The following RFC3 variants were observed in gnomAD, a reference collection of about 807,000 sequenced individuals.
RFC3 encodes the protein A1 38 kDa subunit.
RFC3 carries 41 observed loss-of-function variants against 45.1 expected under a neutral mutation model. That is an observed-to-expected ratio of 0.91 (90% CI 0.71 to 1.18). The LOEUF is 1.18. Among genes scored for constraint, RFC3 ranks in the 50% most tolerant of loss-of-function variants. The probability of loss-of-function intolerance (pLI) is 0.00; values close to 1 mark genes in which losing one functional copy is unlikely to be tolerated. For missense variants in RFC3, 423 were observed against 428.1 expected (o/e 0.99, Z 0.10); for synonymous variants, 149 against 144.0 (o/e 1.03, Z -0.25).
chr13:33,863,676 T>C (rs191799513), intron 8 of RFC3, among the ~76,000 whole-genome samples: 2 of 152,338 alleles, frequency 1.3e-5, no homozygotes, highest in Admixed American at 1.3e-4. Flanking sequence ...ATTCTCTTGC[T>C]TGATACTGCG....
intron 8 of RFC3, among the ~76,000 whole-genome samples, chr13:33,858,838 GA>G (rs754657086): frequency 1.3e-5 from 2 of 152,186 alleles, no homozygotes; most frequent in Non-Finnish European, 2.9e-5. Context: ...AAAGATTAGA[GA>G]AAGAATTTAT....
intron 8 of RFC3, among the ~76,000 whole-genome samples, chr13:33,867,751 C>G (rs2082383020): frequency 6.6e-6 from 1 of 152,170 alleles, no homozygotes; most frequent in Non-Finnish European, 1.5e-5. Flanking sequence ...ACTATGTTGG[C>G]TGAAGATGAA....
intron 8 of RFC3, among the ~76,000 whole-genome samples, chr13:33,894,720 A>G (rs1164470722): frequency 6.6e-6 from 1 of 152,132 alleles, no homozygotes; most frequent in Non-Finnish European, 1.5e-5. Flanking sequence ...GTGTTCCTGG[A>G]TAATCTGGGG....
downstream of RFC3, among the ~76,000 whole-genome samples, chr13:33,840,557 A>G (rs145748647): frequency 1.4e-3 from 203 of 147,758 alleles, 1 homozygote; most frequent in African/African-American, 4.0e-3. Context: ...TTACATTGTC[A>G]TGTTACATTA....
chr13:33,918,365 C>A (rs2082746412), intron 8 of RFC3, among the ~76,000 whole-genome samples: 1 of 152,114 alleles, frequency 6.6e-6, no homozygotes, highest in Non-Finnish European at 1.5e-5. Flanking sequence ...GGATTCAAAC[C>A]CTTTCATGGC....
chr13:33,933,701 T>G, intron 8 of RFC3, among the ~76,000 whole-genome samples: 1 of 151,574 alleles, frequency 6.6e-6, no homozygotes, highest in East Asian at 1.9e-4. Context: ...CCCTCTCCTA[T>G]TAAGGATCAC....
At chr13:33,892,938 C>G (rs2082572747) in intron 8 of RFC3, among the ~76,000 whole-genome samples, 1 of 152,150 alleles carries the variant, frequency 6.6e-6, no homozygotes, top group Non-Finnish European at 1.5e-5. Context: ...AATTTCTACA[C>G]TCAAAAAAGT....
chr13:33,857,114 T>C (rs529239241), intron 8 of RFC3, among the ~76,000 whole-genome samples: 115 of 152,348 alleles, frequency 7.5e-4, no homozygotes, highest in African/African-American at 2.3e-3. Context: ...TGTAAAGCAA[T>C]CTAATCTTTA....
At chr13:33,824,443 A>T (rs557182805) in intron 3 of RFC3, among the ~76,000 whole-genome samples, 1 of 152,178 alleles carries the variant, frequency 6.6e-6, no homozygotes, top group Non-Finnish European at 1.5e-5. Context: ...TTTATTCTCT[A>T]TATCATGCAG....
intron 8 of RFC3, among the ~76,000 whole-genome samples, chr13:33,892,753 C>T (rs547485238): frequency 6.6e-6 from 1 of 152,192 alleles, no homozygotes; most frequent in Admixed American, 6.6e-5. Flanking sequence ...AACAAATAGA[C>T]AGCACCAAGA....
intron 8 of RFC3, among the ~76,000 whole-genome samples, chr13:33,900,456 C>T (rs2082633020): frequency 6.6e-6 from 1 of 151,758 alleles, no homozygotes; most frequent in Non-Finnish European, 1.5e-5. Flanking sequence ...ATAAATGGTG[C>T]TGAAAAACCT....
chr13:33,834,329 T>TATACATAC (rs1300798923), intron 7 of RFC3, among the ~76,000 whole-genome samples: 2 of 125,106 alleles, frequency 1.6e-5, no homozygotes, highest in African/African-American at 6.8e-5. Flanking sequence ...TATATATATA[T>TATACATAC]ATCTGTACTG....
intron 8 of RFC3, among the ~76,000 whole-genome samples, chr13:33,865,676 C>A (rs1225831831): frequency 6.6e-6 from 1 of 152,160 alleles, no homozygotes; most frequent in African/African-American, 2.4e-5. Flanking sequence ...GACCAAACAG[C>A]AAGAAATAGT....
chr13:33,882,581 A>G (rs1047322218), intron 8 of RFC3, among the ~76,000 whole-genome samples: 2 of 152,172 alleles, frequency 1.3e-5, no homozygotes, highest in Non-Finnish European at 2.9e-5. Context: ...TGAGGATACA[A>G]ACAGGAGGCA....
At chr13:33,905,234 A>G (rs2082665017) in intron 8 of RFC3, among the ~76,000 whole-genome samples, 1 of 146,358 alleles carries the variant, frequency 6.8e-6, no homozygotes, top group African/African-American at 2.5e-5. Flanking sequence ...ATGATGTTAG[A>G]AATTGTTCTG....
At chr13:33,868,184 T>G (rs2082385751) in intron 8 of RFC3, among the ~76,000 whole-genome samples, 1 of 152,208 alleles carries the variant, frequency 6.6e-6, no homozygotes, top group Admixed American at 6.5e-5. Flanking sequence ...ACTGGACCTG[T>G]GCAGGACATC....
chr13:33,860,906 T>C (rs1038174803), intron 8 of RFC3, among the ~76,000 whole-genome samples: 5 of 64,806 alleles, frequency 7.7e-5, no homozygotes, highest in Non-Finnish European at 2.7e-4. Context: ...ATATTAAATA[T>C]ATATATATAT....
chr13:33,867,708 T>G (rs2082382687), intron 8 of RFC3, among the ~76,000 whole-genome samples: 1 of 152,198 alleles, frequency 6.6e-6, no homozygotes, highest in Non-Finnish European at 1.5e-5. Context: ...GGAAGGTTTG[T>G]GTCACCCATG....
chr13:33,862,081 C>T (rs1188069474), intron 8 of RFC3, among the ~76,000 whole-genome samples: 1 of 152,170 alleles, frequency 6.6e-6, no homozygotes, highest in Admixed American at 6.5e-5. Flanking sequence ...CTATACGTCT[C>T]ACCTTTAGAC....
Sources: gnomAD v4.1 joint callset for allele counts (sites outside exome capture counted in the v4.1 genomes callset) on GRCh38, gnomAD v4.1.1 for gene constraint, MANE v1.5 for transcripts, NCBI Gene and HGNC (gene_info 2026-07-23, HGNC 2026-07-21) for gene names.